The following MTHFD2L variants were observed in gnomAD, a reference collection of about 807,000 sequenced individuals.
MTHFD2L encodes the protein bifunctional methylenetetrahydrofolate dehydrogenase/cyclohydrolase 2, mitochondrial.
MTHFD2L carries 29 observed loss-of-function variants against 34.9 expected under a neutral mutation model. The ratio of observed to expected loss-of-function variants is 0.83; its 90% CI spans 0.62 to 1.13. MTHFD2L has a LOEUF of 1.13. MTHFD2L is among the 50% of genes most tolerant of loss of function. The probability of loss-of-function intolerance (pLI) is 0.00; values close to 1 mark genes in which losing one functional copy is unlikely to be tolerated. For missense variants in MTHFD2L, 481 were observed against 446.5 expected (o/e 1.08, Z -0.70); for synonymous variants, 167 against 155.7 (o/e 1.07, Z -0.54).
At chr4:74,268,622 G>A (rs889983353) in intron 6 of MTHFD2L, among the ~76,000 whole-genome samples, 9 of 152,124 alleles carry the variant, frequency 5.9e-5, no homozygotes, top group South Asian at 2.1e-4. Flanking sequence ...TAAATATGGC[G>A]CTTCCTTTTA....
In MTHFD2L at chr4:74,276,892, A is replaced by G. The variant is rs111227430; in HGVS notation, c.806-4533A>G. Among the ~76,000 whole-genome samples, 849 of 152,236 alleles carry G rather than the reference A, an allele frequency of 5.6e-3. 4 individuals are homozygous for G. The highest frequency in any genetic ancestry group is 0.019 in the African/African-American group (810 of 41,542). On this transcript the variant is annotated intron_variant, in intron 6 of 7. Coordinates refer to ENST00000325278, the MANE Select transcript of MTHFD2L (RefSeq NM_001144978.3). ...AATGATAGAGTCAAAGGTCAACACA[A>G]CTTCAGAAATGAATTACTTGGGGAA...
At chr4:74,172,632 T>G (rs1186832852) in intron 1 of MTHFD2L, among the ~76,000 whole-genome samples, 1 of 152,226 alleles carries the variant, frequency 6.6e-6, no homozygotes, top group African/African-American at 2.4e-5. Flanking sequence ...TAGGAAATTA[T>G]TAGACATGCA....
intron 4 of MTHFD2L, 48 bp from the exon 5 acceptor site, chr4:74,201,215 T>G: frequency 7.1e-7 from 1 of 1,415,066 alleles, no homozygotes; most frequent in South Asian, 1.2e-5. Context: ...ATGTTTAATT[T>G]ACTTCTTGTT....
chr4:74,118,675 T>C (rs1406786755), upstream of MTHFD2L, among the ~76,000 whole-genome samples: 1 of 152,222 alleles, frequency 6.6e-6, no homozygotes, highest in Admixed American at 6.5e-5. Context: ...AAAGGTCATG[T>C]GAGCAGGGAT....
chr4:74,157,906 AG>A (rs770271254), upstream of MTHFD2L: 8 of 697,010 alleles, frequency 1.1e-5, no homozygotes, highest in South Asian at 1.0e-4. Flanking sequence ...ACATCCTCAG[AG>A]GGCCCGGGAC....
At chr4:74,230,674 A>T (rs529313237) in intron 6 of MTHFD2L, among the ~76,000 whole-genome samples, 1 of 152,092 alleles carries the variant, frequency 6.6e-6, no homozygotes, top group Admixed American at 6.6e-5. Flanking sequence ...TCTAAAGAAC[A>T]GTAAGAGTAC....
At chr4:74,195,607 A>C (rs969601491) in intron 3 of MTHFD2L, 2 of 152,244 alleles carry the variant, frequency 1.3e-5, no homozygotes, top group African/African-American at 4.8e-5. Flanking sequence ...TCCCATTATG[A>C]ACCCTGAAAA....
At chr4:74,171,336 C>T (rs756152489) in intron 1 of MTHFD2L, among the ~76,000 whole-genome samples, 30 of 152,234 alleles carry the variant, frequency 2.0e-4, no homozygotes, top group Admixed American at 3.3e-4. Flanking sequence ...GTTTTAAAAC[C>T]TGACCATCTG....
At chr4:74,191,433 A>G (rs1355878301) in intron 3 of MTHFD2L, among the ~76,000 whole-genome samples, 1 of 152,066 alleles carries the variant, frequency 6.6e-6, no homozygotes, top group Non-Finnish European at 1.5e-5. Context: ...TTCACCTTAA[A>G]TTTATGTTGG....
intron 1 of MTHFD2L, among the ~76,000 whole-genome samples, chr4:74,139,713 T>C (rs1157489077): frequency 1.3e-5 from 2 of 152,228 alleles, no homozygotes; most frequent in Admixed American, 6.5e-5. Flanking sequence ...ATTTGAATTC[T>C]GGGATATTGT....
chr4:74,168,856 C>A (rs772931445), intron 1 of MTHFD2L, among the ~76,000 whole-genome samples: 6 of 152,208 alleles, frequency 3.9e-5, no homozygotes, highest in African/African-American at 1.2e-4. Flanking sequence ...TGATGTTTAA[C>A]CTTTTTAGCT....
At chr4:74,179,021 AC>A (rs767918102) in intron 3 of MTHFD2L, among the ~76,000 whole-genome samples, 1 of 152,016 alleles carries the variant, frequency 6.6e-6, no homozygotes, top group Non-Finnish European at 1.5e-5. Flanking sequence ...GCACTCCCTT[AC>A]CTGGATTATT....
chr4:74,160,011 C>G (rs1264153366), intron 1 of MTHFD2L: 3 of 1,242,528 alleles, frequency 2.4e-6, no homozygotes, highest in African/African-American at 1.6e-5. Flanking sequence ...GGGAGGAATT[C>G]GGACAGTGTG....
chr4:74,186,713 T>A (rs1178319366), intron 3 of MTHFD2L, among the ~76,000 whole-genome samples: 2 of 152,048 alleles, frequency 1.3e-5, no homozygotes, highest in African/African-American at 4.8e-5. Context: ...ATAAACCATG[T>A]TTATGGATCA....
chr4:74,228,487 G>GT (rs1235232496), intron 6 of MTHFD2L, among the ~76,000 whole-genome samples: 2 of 152,130 alleles, frequency 1.3e-5, no homozygotes, highest in Admixed American at 1.3e-4. Context: ...TATTGAATGA[G>GT]TATTTTATTC....
chr4:74,279,107 G>T (rs1245224118), intron 6 of MTHFD2L, among the ~76,000 whole-genome samples: 1 of 151,916 alleles, frequency 6.6e-6, no homozygotes, highest in African/African-American at 2.4e-5. Flanking sequence ...GACCATCACT[G>T]TATTATTTAT....
At chr4:74,121,420 GT>G (rs890980705), upstream of MTHFD2L, among the ~76,000 whole-genome samples, 13 of 151,304 alleles carry the variant, frequency 8.6e-5, no homozygotes, top group African/African-American at 2.9e-4. Context: ...GTGAAGTAGG[GT>G]TTTCTGCAGC....
chr4:74,273,585 T>C (rs1200830809), intron 6 of MTHFD2L, among the ~76,000 whole-genome samples: 1 of 152,192 alleles, frequency 6.6e-6, no homozygotes, highest in African/African-American at 2.4e-5. Flanking sequence ...TCTGTTCATA[T>C]CAAAACGCCT....
chr4:74,239,748 GATA>G (rs1467104893), intron 6 of MTHFD2L, among the ~76,000 whole-genome samples: 6 of 152,192 alleles, frequency 3.9e-5, no homozygotes, highest in African/African-American at 1.4e-4. Context: ...TTCAGATGAA[GATA>G]ATAATCAATA....
Sources: gnomAD v4.1 joint callset for allele counts (sites outside exome capture counted in the v4.1 genomes callset) on GRCh38, gnomAD v4.1.1 for gene constraint, MANE v1.5 for transcripts, NCBI Gene and HGNC (gene_info 2026-07-23, HGNC 2026-07-21) for gene names.